Variants in PHF20L1 observed in about 807,000 individuals in gnomAD.
The protein encoded by PHF20L1 is PHD finger protein 20 like 1.
In PHF20L1, 44 loss-of-function variants were observed where a neutral mutation model predicts 125.5. The ratio of observed to expected loss-of-function variants is 0.35; its 90% CI spans 0.28 to 0.45. PHF20L1 has a LOEUF of 0.45. Among genes scored for constraint, PHF20L1 ranks in the 20% least tolerant of loss-of-function variants. The pLI, the probability that PHF20L1 is intolerant of heterozygous loss-of-function variation, is 1.00. For missense variants in PHF20L1, 1,012 were observed against 1,217.2 expected (o/e 0.83, Z 2.51); for synonymous variants, 380 against 403.1 (o/e 0.94, Z 0.69).
chr8:132,787,456 C>T (rs917270964), intron 2 of PHF20L1, among the ~76,000 whole-genome samples: 1 of 152,008 alleles, frequency 6.6e-6, no homozygotes, highest in African/African-American at 2.4e-5. Flanking sequence ...TTATGGGGAT[C>T]AATAGGTCTG....
chr8:132,810,860 AAGTTCTGATTC>A (rs1437542216), intron 8 of PHF20L1, 175 bp from the exon 9 acceptor site: 1 of 532,058 alleles, frequency 1.9e-6, no homozygotes, highest in Non-Finnish European at 3.4e-6. Context: ...AGCAACTCTC[AAGTTCTGATTC>A]AGTCCCTTGG....
chr8:132,823,917 G>A, intron 12 of PHF20L1, 87 bp from the exon 13 acceptor site: 1 of 747,536 alleles, frequency 1.3e-6, no homozygotes, highest in East Asian at 2.8e-5. Flanking sequence ...CTTACATAGA[G>A]TTTTATGAGC....
chr8:132,802,349 C>G (rs1308715852), intron 6 of PHF20L1, among the ~76,000 whole-genome samples: 2 of 151,522 alleles, frequency 1.3e-5, no homozygotes, highest in Admixed American at 1.3e-4. Context: ...TTTTCCACTA[C>G]CCCTTTCCCT....
In PHF20L1 at chr8:132,799,076, T is replaced by A. The variant is rs1832738361; in HGVS notation, c.430-19T>A. On this transcript the variant is annotated intron_variant, in intron 5 of 20. Coordinates refer to ENST00000395386, the MANE Select transcript of PHF20L1 (RefSeq NM_016018.5). ...GGTTTAGACCTGCTAAAGTTATAGG[T>A]CACTAGTTTCTGTTCCAGGTGAAAT... is the stretch of plus-strand genomic sequence containing the variant. 1 of 1,600,172 alleles carries A rather than the reference T, an allele frequency of 6.2e-7. No homozygotes were observed. Among genetic ancestry groups the A allele is most frequent in the Admixed American group, 1.7e-5 (1 of 59,502 alleles).
At chr8:132,779,223 T>A (rs1174179844) in intron 2 of PHF20L1, among the ~76,000 whole-genome samples, 1 of 152,184 alleles carries the variant, frequency 6.6e-6, no homozygotes, top group Non-Finnish European at 1.5e-5. Flanking sequence ...AGGAGGGGTT[T>A]GGGAAGTACC....
intron 2 of PHF20L1, among the ~76,000 whole-genome samples, chr8:132,787,863 A>G (rs1285432185): frequency 6.6e-6 from 1 of 152,136 alleles, no homozygotes; most frequent in Non-Finnish European, 1.5e-5. Context: ...GCTTTGGGTT[A>G]CATTCTGTGT....
At chr8:132,837,681 G>A (rs1459862178) in intron 16 of PHF20L1, 31 bp from the exon 17 acceptor site, 1 of 1,534,316 alleles carries the variant, frequency 6.5e-7, no homozygotes, top group Non-Finnish European at 9.0e-7. Context: ...GTGAGGATCG[G>A]GTGACTGTAA....
At chr8:132,814,189 C>T (rs1412876364) in intron 9 of PHF20L1, among the ~76,000 whole-genome samples, 1 of 151,850 alleles carries the variant, frequency 6.6e-6, no homozygotes, top group Admixed American at 6.6e-5. Flanking sequence ...TAGACCTTTA[C>T]ATTCAACTTA....
Position 132,825,533 on chromosome 8 carries a change from T to C in PHF20L1, c.1744+162T>C, listed in dbSNP as rs1037024547. The stretch of plus-strand genomic sequence containing the variant: ...CCTTTGACATGAAATTTCAAAAATA[T>C]ACTACTCTGTTTCACTCTGGCCTAT... On this transcript the variant is annotated intron_variant, in intron 14 of 20. Transcript: ENST00000395386. Among the ~76,000 whole-genome samples the C allele has an allele frequency of 2.0e-5, 3 of 152,000 alleles. No individual in the cohort carries two copies. The East Asian group carries it at 5.8e-4, about 30-fold the overall frequency.
chr8:132,825,279 A>T lies in PHF20L1; in HGVS notation c.1652A>T (p.Lys551Ile). ...TATCTTTTAGGTAAGAGAAAAGAAA[A>T]AGATAAGGAAAGAAGAGAGAAGAGA... ...SSTAFGKRKE[K>I]DKERREKRDK... The change falls in exon 14 of 21, where the codon AAA becomes ATA. Residue 551 changes from lysine to isoleucine, a missense_variant. By Grantham distance (102) the Lys-to-Ile change is moderately radical. Around this residue, in one of 7 missense-constraint regions of PHF20L1, gnomAD observed 320 missense variants for 293.8 expected, o/e 1.09. Transcript: ENST00000395386. 1 of 1,563,102 alleles carries T rather than the reference A, an allele frequency of 6.4e-7. No individual in the cohort carries two copies. The highest frequency in any genetic ancestry group is 1.1e-5 in the South Asian group (1 of 89,496).
At chr8:132,791,926 G>A (rs1483187094) in intron 2 of PHF20L1, among the ~76,000 whole-genome samples, 1 of 152,110 alleles carries the variant, frequency 6.6e-6, no homozygotes, top group Admixed American at 6.5e-5. Flanking sequence ...TAGAAAAACC[G>A]TAAGTCGCTT....
intron 15 of PHF20L1, among the ~76,000 whole-genome samples, chr8:132,832,800 A>C (rs750525062): frequency 7.2e-5 from 11 of 152,154 alleles, no homozygotes; most frequent in Non-Finnish European, 1.6e-4. Context: ...CTCCGTAGAT[A>C]ATGCTTTCTT....
At chr8:132,781,118 ACTCCTGG>A (rs1162828785) in intron 2 of PHF20L1, among the ~76,000 whole-genome samples, 1 of 151,530 alleles carries the variant, frequency 6.6e-6, no homozygotes, top group African/African-American at 2.4e-5. Context: ...CCCAAAGTGT[ACTCCTGG>A]CTGGTTTCTC....
chr8:132,821,775 A>T (rs1009115096), intron 12 of PHF20L1, among the ~76,000 whole-genome samples: 11 of 151,872 alleles, frequency 7.2e-5, no homozygotes, highest in Non-Finnish European at 1.2e-4. Context: ...TCTGACTCTA[A>T]CTAGAGTAGC....
chr8:132,780,012 CTTG>C (rs1272623085), intron 2 of PHF20L1, among the ~76,000 whole-genome samples: 5 of 152,186 alleles, frequency 3.3e-5, no homozygotes, highest in East Asian at 1.9e-4. Context: ...ATCACTGAAA[CTTG>C]TTATCAGTTT....
chr8:132,805,849 G>A (rs768257799), intron 8 of PHF20L1, among the ~76,000 whole-genome samples: 6 of 151,922 alleles, frequency 3.9e-5, no homozygotes, highest in Admixed American at 2.6e-4. Context: ...TTTCATGCCT[G>A]TCTCTGATAA....
chr8:132,778,573 AT>A (rs1830080681), intron 2 of PHF20L1, among the ~76,000 whole-genome samples: 1 of 152,166 alleles, frequency 6.6e-6, no homozygotes, highest in African/African-American at 2.4e-5. Context: ...CATAGCCTTT[AT>A]ACAGTGGTTA....
intron 2 of PHF20L1, among the ~76,000 whole-genome samples, chr8:132,790,087 A>G (rs569078417): frequency 7.2e-5 from 11 of 152,314 alleles, no homozygotes; most frequent in African/African-American, 2.6e-4. Context: ...ACAGCTTCCT[A>G]TGATTCAACC....
chr8:132,825,060 A>T (rs2131781053), intron 13 of PHF20L1: 1 of 1,478,116 alleles, frequency 6.8e-7, no homozygotes. Flanking sequence ...ATTTCTCAGC[A>T]CTGCTAATGA....
Sources: gnomAD v4.1 joint callset for allele counts (sites outside exome capture counted in the v4.1 genomes callset) on GRCh38, gnomAD v4.1.1 for gene constraint, gnomAD v4.1.1 regional missense constraint, MANE v1.5 for transcripts, NCBI Gene and HGNC (gene_info 2026-07-23, HGNC 2026-07-21) for gene names.